The following OR1I1 variants were observed in gnomAD, a reference collection of about 807,000 sequenced individuals.
The protein encoded by OR1I1 is olfactory receptor 1I1.
For missense variants in OR1I1, 451 were observed against 443.6 expected (o/e 1.02, Z -0.15); for synonymous variants, 171 against 181.4 (o/e 0.94, Z 0.46).
rs1346074722 is a variant in OR1I1, at chr19:15,091,192, C to T, written c.*3059C>T. On this transcript the variant is annotated 3_prime_UTR_variant, in exon 2 of 2. Transcript: ENST00000641398. ...TCTCAATAAGTGTTAAGCAACACCC[C>T]TACAAGGTAGGTGCAGAAGTAATTG... is the stretch of plus-strand genomic sequence containing the variant. The T allele has an allele frequency of 6.6e-6, 1 of 152,276 alleles. No homozygotes were observed. The allele number at this position is 152,276 out of a possible 1,614,324, so 9.4% of individuals were successfully genotyped here. A position where few individuals can be genotyped will look rare whatever the true frequency, so the allele number is the denominator to read the frequency against.
chr19:15,085,328 G>A (rs112254865), intron 1 of OR1I1, among the ~76,000 whole-genome samples: 3,369 of 151,178 alleles, frequency 0.022, 134 homozygotes, highest in African/African-American at 0.077. Context: ...GCACCACAAC[G>A]CCTAGCTAAT....
In OR1I1 at chr19:15,091,255, G is replaced by A. The variant is rs1455993125; in HGVS notation, c.*3122G>A. 1 of 152,282 alleles carries A rather than the reference G, an allele frequency of 6.6e-6. No individual in the cohort carries two copies. Among genetic ancestry groups the A allele is most frequent in the Non-Finnish European group, 1.5e-5 (1 of 68,116 alleles). The allele number at this position is 152,282 out of a possible 1,614,324, so 9.4% of individuals were successfully genotyped here. On this transcript the variant is annotated 3_prime_UTR_variant, in exon 2 of 2. Transcript: ENST00000641398. ...TGAAAGTAACAGCAGGCTGCGCATG[G>A]TGGCTCACACCTGTATTCCCAGCAC...
chr19:15,086,498 G>A (rs1047923994), intron 1 of OR1I1, among the ~76,000 whole-genome samples: 1 of 151,908 alleles, frequency 6.6e-6, no homozygotes, highest in East Asian at 1.9e-4. Context: ...CTATAGCCCA[G>A]GCTAGAGAGC....
rs554541855 is a variant in OR1I1, at chr19:15,090,568, C to T, written c.*2435C>T. The stretch of plus-strand genomic sequence containing the variant: ...AACAAATTTCTATTGTTTAAGTCAC[C>T]TAGTTCATGGTAATTTTTAAATTTT... On this transcript the variant is annotated 3_prime_UTR_variant, in exon 2 of 2. Coordinates refer to ENST00000641398, the MANE Select transcript of OR1I1 (RefSeq NM_001004713.2). 6.6e-6 allele frequency: 1 copy of T among 152,176 alleles called. No individual in the cohort carries two copies. The highest frequency in any genetic ancestry group is 1.9e-4 in the East Asian group (1 of 5,182). 9.4% of individuals were successfully genotyped at this position (152,176 alleles called of 1,614,324 possible).
In OR1I1 at chr19:15,087,775, C is replaced by A. The variant is rs1458115904; in HGVS notation, c.710C>A (p.Ala237Asp). 1.9e-6 allele frequency: 3 copies of A among 1,614,036 alleles called. No individual in the cohort carries two copies. The highest frequency in any genetic ancestry group is 2.7e-5 in the African/African-American group (2 of 74,932). ...CCTTCTACTCGGGGCAAGTGGAAAGCCTTCTCCACCTGTGGCTTACACCTC... is the reference window on the plus strand; with the variant it reads ...CCTTCTACTCGGGGCAAGTGGAAAGACTTCTCCACCTGTGGCTTACACCTC... The part of the protein sequence containing the change: ...KIPSTRGKWK[A>D]FSTCGLHLTV... The change falls in exon 2 of 2, where the codon GCC becomes GAC. Residue 237 changes from alanine (A) to aspartate (D), a missense_variant. Transcript: ENST00000641398.
chr19:15,083,261 A>G (rs930603754), intron 1 of OR1I1, among the ~76,000 whole-genome samples: 2 of 149,944 alleles, frequency 1.3e-5, no homozygotes, highest in South Asian at 2.1e-4. Context: ...TTTTTTGTAG[A>G]TCCAGGGCGG....
At chr19:15,083,088 G>A (rs2046215924) in intron 1 of OR1I1, among the ~76,000 whole-genome samples, 1 of 152,046 alleles carries the variant, frequency 6.6e-6, no homozygotes, top group South Asian at 2.1e-4. Flanking sequence ...ACTAACAGGT[G>A]TGTGCCACCA....
At chr19:15,084,702 C>T (rs73522011) in intron 1 of OR1I1, among the ~76,000 whole-genome samples, 10,225 of 151,968 alleles carry the variant, frequency 0.067, 1,030 homozygotes, top group African/African-American at 0.22. Context: ...GCACGTCCTG[C>T]ACGTGTATCC....
rs1302414817 is a variant in OR1I1 at position 15,092,106 on chromosome 19, TTTTTGGTTTTTGGTTG to T, written c.*3978_*3993del. The T allele has an allele frequency of 4.5e-3, 189 of 41,752 alleles. 23 individuals are homozygous for T. Among genetic ancestry groups the T allele is most frequent in the Middle Eastern group, 0.017 (1 of 60 alleles). The allele number at this position is 41,752 out of a possible 1,614,324, so 2.6% of individuals were successfully genotyped here. ...AAAACGCTTTTTTTTTTTTTTTTTTTTTTTGGTTTTTGGTTGTTTTTTTTTTTTCCCCGGAAACTTG... is the reference window on the plus strand; with the variant it reads ...AAAACGCTTTTTTTTTTTTTTTTTTTTTTTTTTTTTTTCCCCGGAAACTTG... On this transcript the variant is annotated 3_prime_UTR_variant, in exon 2 of 2. Transcript: ENST00000641398.
At chr19:15,085,890 A>G (rs1045731494) in intron 1 of OR1I1, among the ~76,000 whole-genome samples, 1 of 152,230 alleles carries the variant, frequency 6.6e-6, no homozygotes, top group African/African-American at 2.4e-5. Context: ...CTGAATAAAT[A>G]GTATTCCATT....
At position 15,088,105 on chromosome 19, in the gene OR1I1, G is replaced by C. The variant is rs2046239462; in HGVS notation, c.1040G>C (p.Ser347Thr). The C allele has an allele frequency of 6.4e-7, 1 of 1,559,836 alleles. No individual in the cohort carries two copies. Among genetic ancestry groups the C allele is most frequent in the Non-Finnish European group, 8.7e-7 (1 of 1,149,348 alleles). ...HPIPYPGGVQSLAGNRDME is the reference protein window; with the variant it reads ...HPIPYPGGVQTLAGNRDME Reference sequence around the variant, plus strand: ...ATCCCCTACCCTGGAGGAGTTCAGAGTCTAGCTGGGAACAGAGACATGGAA... The same window carrying C: ...ATCCCCTACCCTGGAGGAGTTCAGACTCTAGCTGGGAACAGAGACATGGAA... Residue 347 changes from serine to threonine, a missense_variant, in exon 2 of 2, where the codon AGT becomes ACT. Transcript: ENST00000641398.
intron 1 of OR1I1, among the ~76,000 whole-genome samples, chr19:15,082,482 G>A (rs2046213451): frequency 1.3e-5 from 2 of 152,160 alleles, no homozygotes; most frequent in East Asian, 1.9e-4. Flanking sequence ...CCGAGAGAGA[G>A]AGAAGAGACT....
In OR1I1 at chr19:15,087,421, C is replaced by T; in HGVS notation, c.356C>T (p.Ala119Val). The T allele has an allele frequency of 6.2e-7, 1 of 1,614,110 alleles. No individual in the cohort carries two copies. Among genetic ancestry groups the T allele is most frequent in the East Asian group, 2.2e-5 (1 of 44,874 alleles). The change falls in exon 2 of 2, where the codon GCC becomes GTC. Residue 119 changes from alanine to valine, a missense_variant. Physicochemically the swap from Ala to Val is moderately conservative, Grantham distance 64 (BLOSUM62 0). Coordinates refer to ENST00000641398, the MANE Select transcript of OR1I1 (RefSeq NM_001004713.2). ...TMDSFLLAVM[A>V]IDRFVAIVHP... The stretch of plus-strand genomic sequence containing the variant: ...GACAGCTTTCTCCTGGCAGTAATGG[C>T]CATCGACCGCTTCGTGGCCATTGTC...
chr19:15,092,259 GA>G lies in OR1I1; in HGVS notation c.*4129del, dbSNP rs1568323849. 6.6e-6 allele frequency: 1 copy of G among 152,042 alleles called. No homozygotes were observed. The highest frequency in any genetic ancestry group is 1.9e-4 in the East Asian group (1 of 5,188). 9.4% of individuals were successfully genotyped at this position (152,042 alleles called of 1,614,324 possible). On this transcript the variant is annotated 3_prime_UTR_variant, in exon 2 of 2. Transcript: ENST00000641398. ...TGAGAAGGAGCCTGTGTTGTTTAAAGAAATCACGGAGACTGGTGTGGCCTGA... is the reference window on the plus strand; with the variant it reads ...TGAGAAGGAGCCTGTGTTGTTTAAAGAATCACGGAGACTGGTGTGGCCTGA...
Position 15,088,772 on chromosome 19 carries a change from TGTAGATAGATAGATAG to T in OR1I1, c.*640_*655del, listed in dbSNP as rs2046242994. ...GTAGATAGGGTGGATAGATAAGATA[TGTAGATAGATAGATAG>T]ATAGATAGATAGATAGATAGATAGA... On this transcript the variant is annotated 3_prime_UTR_variant, in exon 2 of 2. Coordinates refer to ENST00000641398, the MANE Select transcript of OR1I1 (RefSeq NM_001004713.2). 1 of 29,664 alleles carries T rather than the reference TGTAGATAGATAGATAG, an allele frequency of 3.4e-5. No homozygotes were observed. Among genetic ancestry groups the T allele is most frequent in the African/African-American group, 8.3e-5 (1 of 12,070 alleles). 1.8% of individuals were successfully genotyped at this position (29,664 alleles called of 1,614,324 possible).
In OR1I1 at chr19:15,088,329, A is replaced by G; in HGVS notation, c.*196A>G. The G allele has an allele frequency of 1.6e-6, 1 of 606,132 alleles. No homozygotes were observed. The highest frequency in any genetic ancestry group is 2.8e-6 in the Non-Finnish European group (1 of 359,120). The allele number at this position is 606,132 out of a possible 1,614,324, so 37.5% of individuals were successfully genotyped here. Reference sequence around the variant, plus strand: ...TTGCTATGTGAATAAGAGTAGTTGAAAACAAGAGACGTAGCTACACTCATT... The same window carrying G: ...TTGCTATGTGAATAAGAGTAGTTGAGAACAAGAGACGTAGCTACACTCATT... On this transcript the variant is annotated 3_prime_UTR_variant, in exon 2 of 2. Coordinates refer to ENST00000641398, the MANE Select transcript of OR1I1 (RefSeq NM_001004713.2).
chr19:15,088,176 A>C lies in OR1I1; in HGVS notation c.*43A>C, dbSNP rs1391810457. ...TGATAAATGTGTCATAAAGAGATGAACAAAGTGTATGAGCACCCAAAGGAA... is the reference window on the plus strand; with the variant it reads ...TGATAAATGTGTCATAAAGAGATGACCAAAGTGTATGAGCACCCAAAGGAA... On this transcript the variant is annotated 3_prime_UTR_variant, in exon 2 of 2. Coordinates refer to ENST00000641398, the MANE Select transcript of OR1I1 (RefSeq NM_001004713.2). The C allele has an allele frequency of 6.7e-7, 1 of 1,500,896 alleles. No individual in the cohort carries two copies. Among genetic ancestry groups the C allele is most frequent in the Non-Finnish European group, 8.9e-7 (1 of 1,120,872 alleles). The allele number at this position is 1,500,896 out of a possible 1,614,324, so 93.0% of individuals were successfully genotyped here. A position where few individuals can be genotyped will look rare whatever the true frequency, so the allele number is the denominator to read the frequency against.
At position 15,087,696 on chromosome 19, in the gene OR1I1, T is replaced by C. The variant is rs8108721; in HGVS notation, c.631T>C (p.Phe211Leu). The C allele has an allele frequency of 0.83, 1,335,563 of 1,613,990 alleles. 561,054 individuals are homozygous for C. The highest frequency in any genetic ancestry group is 0.89 in the South Asian group (80,624 of 91,080). The change falls in exon 2 of 2, where the codon TTC becomes CTC. Residue 211 changes from phenylalanine (F) to leucine (L), a missense_variant. Transcript: ENST00000641398. Reference sequence around the variant, plus strand: ...TGGCATTGTCGTGGGCACCAGCCCATTCTCCTGCATCCTTCTCTCGTACAT... The same window carrying C: ...TGGCATTGTCGTGGGCACCAGCCCACTCTCCTGCATCCTTCTCTCGTACAT... ...AFGIVVGTSP[F>L]SCILLSYIRI...
chr19:15,084,147 G>A (rs57504153), intron 1 of OR1I1, among the ~76,000 whole-genome samples: 3,503 of 152,308 alleles, frequency 0.023, 91 homozygotes, highest in East Asian at 0.1. Flanking sequence ...ATTCAAAGGC[G>A]AGATCAGGCA....
Sources: allele counts gnomAD v4.1 joint callset (sites outside exome capture counted in the v4.1 genomes callset), GRCh38; gene constraint gnomAD v4.1.1; transcripts MANE v1.5; gene names NCBI Gene and HGNC (gene_info 2026-07-23, HGNC 2026-07-21).